The following EYS variants were observed in gnomAD, a reference collection of about 807,000 sequenced individuals.
EYS encodes the protein protein eyes shut homolog.
In EYS, 250 loss-of-function variants were observed where a neutral mutation model predicts 282.1. That is an observed-to-expected ratio of 0.89 (90% CI 0.80 to 0.98). The LOEUF (loss-of-function observed/expected upper bound fraction) is 0.98, where lower values mean the gene tolerates loss of function less well. Ranked by LOEUF, EYS falls within the 50% of genes least tolerant of loss-of-function variation. The pLI is 0.00. For synonymous variants in EYS, 1,355 were observed against 1,282.9 expected (o/e 1.06, Z -1.20); for missense variants, 4,016 against 3,709.0 (o/e 1.08, Z -2.15).
At chr6:64,924,444 C>T (rs1768448300) in intron 15 of EYS, among the ~76,000 whole-genome samples, 1 of 149,012 alleles carries the variant, frequency 6.7e-6, no homozygotes, top group Non-Finnish European at 1.5e-5. Context: ...AGACATTTTC[C>T]CCATGGTCTT....
intron 14 of EYS, among the ~76,000 whole-genome samples, chr6:64,985,910 C>T (rs898656284): frequency 2.0e-5 from 3 of 151,444 alleles, no homozygotes; most frequent in African/African-American, 4.8e-5. Flanking sequence ...CACAACTGTC[C>T]AGCAGTCTGC....
At chr6:63,863,649 T>C (rs1292112252) in intron 36 of EYS, among the ~76,000 whole-genome samples, 1 of 4,860 alleles carries the variant, frequency 2.1e-4, no homozygotes, top group African/African-American at 2.5e-4. Context: ...TTTTCTTTTC[T>C]TTTCTTTTCT....
intron 7 of EYS, among the ~76,000 whole-genome samples, chr6:65,390,995 T>C (rs747267200): frequency 6.6e-6 from 1 of 152,088 alleles, no homozygotes; most frequent in African/African-American, 2.4e-5. Flanking sequence ...TATTAACAAA[T>C]ATTGGAGGTT....
At chr6:63,881,501 G>T (rs1466147200) in intron 35 of EYS, among the ~76,000 whole-genome samples, 1 of 152,046 alleles carries the variant, frequency 6.6e-6, no homozygotes, top group East Asian at 1.9e-4. Flanking sequence ...ATATACTTTG[G>T]TAACTAATAT....
chr6:65,276,138 T>C (rs9354213), intron 12 of EYS, among the ~76,000 whole-genome samples: 81,573 of 151,876 alleles, frequency 0.54, 23,270 homozygotes, highest in East Asian at 0.88. Context: ...AAGAGTTTTC[T>C]GAAAGCTCAG....
chr6:64,044,622 G>A (rs1037831404), intron 33 of EYS, among the ~76,000 whole-genome samples: 2 of 152,112 alleles, frequency 1.3e-5, no homozygotes, highest in Admixed American at 6.6e-5. Context: ...TTTGGTCTTC[G>A]ACATTCCCCA....
At chr6:63,931,470 TC>T (rs1279800929) in intron 35 of EYS, among the ~76,000 whole-genome samples, 1 of 152,202 alleles carries the variant, frequency 6.6e-6, no homozygotes, top group African/African-American at 2.4e-5. Flanking sequence ...CTCATTCTGC[TC>T]CCTTCTGACT....
chr6:64,196,729 C>T (rs1206027902), intron 31 of EYS, among the ~76,000 whole-genome samples: 4 of 132,340 alleles, frequency 3.0e-5, no homozygotes, highest in African/African-American at 1.1e-4. Flanking sequence ...GAACATCACA[C>T]TCTGGGGACT....
intron 11 of EYS, among the ~76,000 whole-genome samples, chr6:65,333,041 T>A (rs1582150884): frequency 5.3e-5 from 8 of 151,548 alleles, no homozygotes; most frequent in African/African-American, 1.9e-4. Flanking sequence ...TTTTTGATAT[T>A]CTTTATTGTT....
chr6:63,812,186 TTTC>T (rs1211293297), intron 36 of EYS, among the ~76,000 whole-genome samples: 2 of 152,300 alleles, frequency 1.3e-5, no homozygotes, highest in Non-Finnish European at 2.9e-5. Context: ...TTTATACTCG[TTTC>T]TTCTTTCTCA....
intron 41 of EYS, among the ~76,000 whole-genome samples, chr6:63,728,037 A>G (rs955412010): frequency 1.3e-5 from 2 of 151,992 alleles, no homozygotes; most frequent in Non-Finnish European, 2.9e-5. Context: ...AAATCTGGTT[A>G]AAATTTTAAG....
chr6:64,849,491 T>C (rs1490284624), intron 19 of EYS, among the ~76,000 whole-genome samples: 2 of 152,052 alleles, frequency 1.3e-5, no homozygotes, highest in Non-Finnish European at 2.9e-5. Context: ...GATTTCTATT[T>C]CTGCATATTT....
At chr6:65,470,293 G>T (rs959481690) in intron 5 of EYS, among the ~76,000 whole-genome samples, 1 of 152,128 alleles carries the variant, frequency 6.6e-6, no homozygotes, top group African/African-American at 2.4e-5. Flanking sequence ...GCAATGGGAA[G>T]TAAAGTGGCA....
chr6:64,660,564 A>G (rs561708389), intron 22 of EYS, among the ~76,000 whole-genome samples: 58 of 152,294 alleles, frequency 3.8e-4, no homozygotes, highest in African/African-American at 1.3e-3. Context: ...GCCATGTGCA[A>G]AAATCACTAG....
At chr6:64,633,977 T>C (rs921674432) in intron 22 of EYS, among the ~76,000 whole-genome samples, 2 of 152,068 alleles carry the variant, frequency 1.3e-5, no homozygotes, top group Non-Finnish European at 2.9e-5. Flanking sequence ...CAAATGCTTG[T>C]GTTTGTTTCT....
chr6:65,284,606 T>C (rs1161672879), intron 12 of EYS, among the ~76,000 whole-genome samples: 1 of 152,044 alleles, frequency 6.6e-6, no homozygotes, highest in East Asian at 1.9e-4. Context: ...ATAACTCCAA[T>C]CATCATTCAT....
chr6:65,214,301 A>C (rs1012113578), intron 12 of EYS, among the ~76,000 whole-genome samples: 1 of 151,980 alleles, frequency 6.6e-6, no homozygotes. Context: ...TCAGTGATAC[A>C]AGGAATGATA....
At chr6:64,962,982 A>G (rs545444549) in intron 14 of EYS, among the ~76,000 whole-genome samples, 23 of 152,314 alleles carry the variant, frequency 1.5e-4, no homozygotes, top group Non-Finnish European at 2.8e-4. Flanking sequence ...ACTCAGGACT[A>G]TTTGAATGAT....
intron 26 of EYS, among the ~76,000 whole-genome samples, chr6:64,440,690 A>T (rs1434232410): frequency 6.6e-6 from 1 of 152,164 alleles, no homozygotes; most frequent in Non-Finnish European, 1.5e-5. Flanking sequence ...TAAAGATTTC[A>T]GGCATTTATT....
Sources: allele counts gnomAD v4.1 joint callset (sites outside exome capture counted in the v4.1 genomes callset), GRCh38; gene constraint gnomAD v4.1.1; transcripts MANE v1.5; gene names NCBI Gene and HGNC (gene_info 2026-07-23, HGNC 2026-07-21).